The following EPHA7 variants were observed in gnomAD, a reference collection of about 807,000 sequenced individuals.
The protein encoded by EPHA7 is ephrin type-A receptor 7.
Under a neutral mutation model 112.6 loss-of-function variants are expected in EPHA7, and 25 were observed. The ratio of observed to expected loss-of-function variants is 0.22; its 90% CI spans 0.16 to 0.31. EPHA7 has a LOEUF of 0.31. EPHA7 is among the 10% of genes least tolerant of loss of function. The pLI is 1.00. For missense variants in EPHA7, 962 were observed against 1,212.6 expected, an observed-to-expected ratio of 0.79 and a Z score of 3.07; for synonymous variants, 437 against 406.5, an observed-to-expected ratio of 1.07 and a Z score of -0.90.
chr6:93,294,238 T>C (rs1489829281), intron 5 of EPHA7, among the ~76,000 whole-genome samples: 7 of 152,152 alleles, frequency 4.6e-5, no homozygotes, highest in Non-Finnish European at 1.0e-4. Context: ...GATGACAACA[T>C]AGCCTGGGTT....
At chr6:93,345,998 C>T (rs972707699) in intron 5 of EPHA7, among the ~76,000 whole-genome samples, 2 of 151,660 alleles carry the variant, frequency 1.3e-5, no homozygotes, top group African/African-American at 4.8e-5. Flanking sequence ...CAACTAAATG[C>T]TTGTCCAAAT....
intron 3 of EPHA7, among the ~76,000 whole-genome samples, chr6:93,407,730 T>C (rs1339611834): frequency 6.6e-6 from 1 of 151,958 alleles, no homozygotes; most frequent in Non-Finnish European, 1.5e-5. Flanking sequence ...GTGGAGTAAT[T>C]TTATTTTATT....
intron 3 of EPHA7, among the ~76,000 whole-genome samples, chr6:93,384,264 T>C (rs1254440856): frequency 1.3e-5 from 2 of 152,152 alleles, no homozygotes; most frequent in Non-Finnish European, 2.9e-5. Context: ...CTCTCCCATT[T>C]TCAGCAACAG....
rs755813766 is a variant in EPHA7 at position 93,358,393 on chromosome 6, T to C, written c.851A>G (p.Tyr284Cys). 5 of 1,610,802 alleles carry C rather than the reference T, an allele frequency of 3.1e-6. No homozygotes were observed. Among genetic ancestry groups the C allele is most frequent in the East Asian group, 2.2e-5 (1 of 44,692 alleles). The change falls in exon 4 of 17, where the codon TAC (tyrosine) becomes TGC (cysteine). Residue 284 changes from tyrosine to cysteine, a missense_variant. Coordinates refer to ENST00000369303, the MANE Select transcript of EPHA7 (RefSeq NM_004440.4). ...DTCEPCGRGF[Y>C]KSSSQDLQCS... ...CTGAAGATCTTGAGAGGAAGACTTG[T>C]AGAACCCACGGCCACAGGCTGGGAA...
chr6:93,302,666 A>G (rs550399959), intron 5 of EPHA7, among the ~76,000 whole-genome samples: 155 of 152,284 alleles, frequency 1.0e-3, no homozygotes, highest in Admixed American at 3.0e-3. Flanking sequence ...TTAATTTATG[A>G]AGTTGTTTAT....
intron 3 of EPHA7, among the ~76,000 whole-genome samples, chr6:93,387,924 C>CAGAT (rs200554873): frequency 0.046 from 6,659 of 145,484 alleles, 196 homozygotes; most frequent in East Asian, 0.097. Flanking sequence ...GATAGATAGA[C>CAGAT]AGATAGATAG....
intron 3 of EPHA7, among the ~76,000 whole-genome samples, chr6:93,405,260 A>G (rs1311210410): frequency 6.6e-6 from 1 of 151,844 alleles, no homozygotes; most frequent in Non-Finnish European, 1.5e-5. Flanking sequence ...TTATAATATC[A>G]TTGATATTCT....
At chr6:93,378,292 G>C (rs1777161327) in intron 3 of EPHA7, among the ~76,000 whole-genome samples, 1 of 152,034 alleles carries the variant, frequency 6.6e-6, no homozygotes, top group Non-Finnish European at 1.5e-5. Context: ...TTTTTTCTAA[G>C]AGGAAAAGAA....
chr6:93,343,717 C>G (rs1775253361), intron 5 of EPHA7, among the ~76,000 whole-genome samples: 1 of 151,548 alleles, frequency 6.6e-6, no homozygotes, highest in Non-Finnish European at 1.5e-5. Context: ...CACCAGGACA[C>G]TATAATTAAG....
intron 5 of EPHA7, among the ~76,000 whole-genome samples, chr6:93,321,051 A>G (rs1044399453): frequency 5.9e-5 from 9 of 152,142 alleles, no homozygotes; most frequent in African/African-American, 2.2e-4. Context: ...AAAAAGATCT[A>G]CAATATACAA....
At position 93,241,395 on chromosome 6, in the gene EPHA7, GA is replaced by G; in HGVS notation, c.*2030del. On this transcript the variant is annotated 3_prime_UTR_variant, in exon 17 of 17. Transcript: ENST00000369303. ...AACACTTGTACACACTGCAGACACT[GA>G]AAAATAACCCTCAAGCACATTGTGT... 4.7e-6 allele frequency: 1 copy of G among 211,966 alleles called. No homozygotes were observed. The highest frequency in any genetic ancestry group is 9.6e-6 in the Non-Finnish European group (1 of 104,236). The allele number at this position is 211,966 out of a possible 1,614,324, so 13.1% of individuals were successfully genotyped here.
At chr6:93,358,439 G>A (rs780344940) in intron 3 of EPHA7, 28 bp from the exon 4 acceptor site, 2 of 1,570,294 alleles carry the variant, frequency 1.3e-6, no homozygotes, top group Admixed American at 3.7e-5. Context: ...AGCAAAAATT[G>A]AGACATGAGA....
intron 5 of EPHA7, among the ~76,000 whole-genome samples, chr6:93,286,341 C>CA (rs1772062838): frequency 6.6e-6 from 1 of 152,188 alleles, no homozygotes; most frequent in African/African-American, 2.4e-5. Flanking sequence ...GAATGCTCAG[C>CA]ACCTGAATTA....
intron 5 of EPHA7, among the ~76,000 whole-genome samples, chr6:93,290,194 C>G (rs745573507): frequency 8.2e-4 from 124 of 151,662 alleles, no homozygotes; most frequent in Non-Finnish European, 1.7e-3. Flanking sequence ...GCAATTTTGA[C>G]TATATATAGT....
intron 3 of EPHA7, among the ~76,000 whole-genome samples, chr6:93,402,292 A>C (rs1778472497): frequency 6.6e-6 from 1 of 152,092 alleles, no homozygotes; most frequent in Non-Finnish European, 1.5e-5. Flanking sequence ...GGTAAAAAGA[A>C]GTATAATTTC....
intron 5 of EPHA7, among the ~76,000 whole-genome samples, chr6:93,317,808 C>A (rs1773884261): frequency 6.6e-6 from 1 of 152,134 alleles, no homozygotes. Context: ...GCTCCTGCTG[C>A]CATCACAGCT....
intron 3 of EPHA7, among the ~76,000 whole-genome samples, chr6:93,359,390 C>A (rs960184642): frequency 6.7e-6 from 1 of 149,700 alleles, no homozygotes; most frequent in Non-Finnish European, 1.5e-5. Context: ...ATATTGAAGA[C>A]ATTCAATCTA....
chr6:93,321,766 T>A (rs929475776), intron 5 of EPHA7, among the ~76,000 whole-genome samples: 5 of 151,854 alleles, frequency 3.3e-5, no homozygotes, highest in African/African-American at 1.2e-4. Flanking sequence ...CATTCATTGA[T>A]CAGTTTTACA....
At chr6:93,408,760 G>T (rs1582688024) in intron 3 of EPHA7, among the ~76,000 whole-genome samples, 1 of 152,074 alleles carries the variant, frequency 6.6e-6, no homozygotes, top group Non-Finnish European at 1.5e-5. Context: ...GACAGAAAAA[G>T]GTATTTGCTC....
Sources: gnomAD v4.1 joint callset for allele counts (sites outside exome capture counted in the v4.1 genomes callset) on GRCh38, gnomAD v4.1.1 for gene constraint, MANE v1.5 for transcripts, NCBI Gene and HGNC (gene_info 2026-07-23, HGNC 2026-07-21) for gene names.